The following RASSF5 variants were observed in gnomAD, a reference collection of about 807,000 sequenced individuals.
RASSF5 encodes the protein Ras association domain family member 5.
In RASSF5, 25 loss-of-function variants were observed where a neutral mutation model predicts 40.5. That is an observed-to-expected ratio of 0.62 (90% CI 0.45 to 0.86). The LOEUF is 0.86. RASSF5 is among the 40% of genes least tolerant of loss of function. The probability of loss-of-function intolerance (pLI) is 0.00; values close to 1 mark genes in which losing one functional copy is unlikely to be tolerated. For missense variants in RASSF5, 521 were observed against 572.8 expected (o/e 0.91, Z 0.92); for synonymous variants, 246 against 252.4 (o/e 0.97, Z 0.24).
Position 206,587,205 on chromosome 1 carries a change from C to T in RASSF5, c.*227C>T, listed in dbSNP as rs1669153258. 2 of 520,198 alleles carry T rather than the reference C, an allele frequency of 3.8e-6. No homozygotes were observed. The highest frequency in any genetic ancestry group is 6.9e-6 in the Non-Finnish European group (2 of 288,104). The allele number at this position is 520,198 out of a possible 1,614,324, so 32.2% of individuals were successfully genotyped here. On this transcript the variant is annotated 3_prime_UTR_variant, in exon 6 of 6. Coordinates refer to ENST00000579436, the MANE Select transcript of RASSF5 (RefSeq NM_182663.4). ...CCACAGATTCTGCCAAGGATCAGAA[C>T]TCATGTGAAACAAACAGCTGACGTC... is the stretch of plus-strand genomic sequence containing the variant.
intron 1 of RASSF5, among the ~76,000 whole-genome samples, chr1:206,525,945 G>A (rs1171466293): frequency 6.6e-6 from 1 of 152,126 alleles, no homozygotes; most frequent in Admixed American, 6.5e-5. Flanking sequence ...TCTCTTTCCT[G>A]TGCCTCAGTT....
intron 1 of RASSF5, chr1:206,529,764 T>A: frequency 5.0e-6 from 2 of 403,836 alleles, no homozygotes; most frequent in South Asian, 2.3e-5. Context: ...AATTTTTCCT[T>A]CAAAAAAAAA....
rs1666677834 is a variant in RASSF5, at chr1:206,513,671, A to G, written c.457+5612A>G. The stretch of plus-strand genomic sequence containing the variant: ...GGGAAGGCCGGGCCTGACTGGGGAG[A>G]TGGTTTTGCATTTAGTCATTTTCAG... On this transcript the variant is annotated intron_variant, in intron 1 of 5. Transcript: ENST00000579436. The surrounding 1 kb of genome is among the most constrained non-coding windows in gnomAD (Gnocchi z 5.0). 6.6e-6 allele frequency among the ~76,000 whole-genome samples: 1 copy of G among 151,794 alleles called. No homozygotes were observed. Among genetic ancestry groups the G allele is most frequent in the Non-Finnish European group, 1.5e-5 (1 of 67,944 alleles).
intron 2 of RASSF5, among the ~76,000 whole-genome samples, chr1:206,548,797 G>A (rs1316346121): frequency 6.6e-6 from 1 of 152,176 alleles, no homozygotes; most frequent in Non-Finnish European, 1.5e-5. Flanking sequence ...TAGACTGCTT[G>A]AATTCGTTCC....
At position 206,555,776 on chromosome 1, in the gene RASSF5, G is replaced by C. The variant is rs77289634; in HGVS notation, c.579+17483G>C. 8.0e-3 allele frequency among the ~76,000 whole-genome samples: 1,221 copies of C among 152,348 alleles called. 15 individuals are homozygous for C. The highest frequency in any genetic ancestry group is 0.028 in the African/African-American group (1,161 of 41,584). ...TTTTGTGCCTGCCAGGCACTCGCAG[G>C]CTTCTGGGAAGAAGACTGTGTGGGA... On this transcript the variant is annotated intron_variant, in intron 2 of 5. Transcript: ENST00000579436.
intron 2 of RASSF5, among the ~76,000 whole-genome samples, chr1:206,565,393 T>C (rs1422456909): frequency 1.3e-5 from 2 of 152,254 alleles, no homozygotes; most frequent in African/African-American, 4.8e-5. Flanking sequence ...AGGTTCCCTT[T>C]CCTTCCGGAG....
At chr1:206,509,186 T>C (rs917807761) in intron 1 of RASSF5, among the ~76,000 whole-genome samples, 10 of 152,212 alleles carry the variant, frequency 6.6e-5, no homozygotes, top group Admixed American at 2.0e-4. Context: ...ACGTCTCCCA[T>C]CCAACTGCAG....
At chr1:206,572,030 G>T (rs1485363797) in intron 2 of RASSF5, among the ~76,000 whole-genome samples, 1 of 152,138 alleles carries the variant, frequency 6.6e-6, no homozygotes, top group Non-Finnish European at 1.5e-5. Flanking sequence ...AAGGATTTGG[G>T]TCATCTATTT....
Position 206,588,647 on chromosome 1 carries a change from A to G in RASSF5, c.*1669A>G, listed in dbSNP as rs1553408232. On this transcript the variant is annotated 3_prime_UTR_variant, in exon 6 of 6. Coordinates refer to ENST00000579436, the MANE Select transcript of RASSF5 (RefSeq NM_182663.4). ...CATACTGCCCCTGATCCCAGAAGGA[A>G]TGCTGACCCCTCGTCGTATGAACTG... 1 of 152,412 alleles carries G rather than the reference A, an allele frequency of 6.6e-6. No individual in the cohort carries two copies. Among genetic ancestry groups the G allele is most frequent in the Non-Finnish European group, 1.5e-5 (1 of 68,056 alleles). 9.4% of individuals were successfully genotyped at this position (152,412 alleles called of 1,614,324 possible).
At chr1:206,520,545 T>C (rs11118941) in intron 1 of RASSF5, among the ~76,000 whole-genome samples, 80,952 of 150,242 alleles carry the variant, frequency 0.54, 21,941 homozygotes, top group South Asian at 0.72. Flanking sequence ...AGGCGGAGGT[T>C]GCAGTAAGCC....
intron 2 of RASSF5, among the ~76,000 whole-genome samples, chr1:206,561,822 C>T (rs1384294122): frequency 6.8e-6 from 1 of 146,042 alleles, no homozygotes; most frequent in African/African-American, 2.5e-5. Flanking sequence ...CCCACCACCA[C>T]ACCCAGCTAA....
chr1:206,529,722 T>TTACA, intron 1 of RASSF5: 1 of 640,412 alleles, frequency 1.6e-6, no homozygotes, highest in Non-Finnish European at 2.8e-6. Context: ...CACTGTTGAG[T>TTACA]TTTCTGTACA....
At chr1:206,564,490 A>G (rs559300103) in intron 2 of RASSF5, among the ~76,000 whole-genome samples, 8 of 152,328 alleles carry the variant, frequency 5.3e-5, no homozygotes, top group Non-Finnish European at 7.3e-5. Flanking sequence ...GGGAGAAAAG[A>G]AGAAAGATTT....
chr1:206,523,668 ATATAT>A (rs1460719837), intron 1 of RASSF5, among the ~76,000 whole-genome samples: 17 of 99,212 alleles, frequency 1.7e-4, no homozygotes, highest in African/African-American at 6.6e-4. Context: ...AATATATAAA[ATATAT>A]TATATATAAA....
intron 1 of RASSF5, among the ~76,000 whole-genome samples, chr1:206,509,758 G>C (rs944771): frequency 6.6e-6 from 1 of 151,392 alleles, no homozygotes; most frequent in African/African-American, 2.4e-5. Context: ...ATAATGGTGC[G>C]TTTGTGTGTA....
Position 206,584,634 on chromosome 1 carries a change from A to G in RASSF5, c.938A>G (p.Asp313Gly), listed in dbSNP as rs1669031623. 6.2e-6 allele frequency: 10 copies of G among 1,614,234 alleles called. No homozygotes were observed. Among genetic ancestry groups the G allele is most frequent in the Non-Finnish European group, 8.5e-6 (10 of 1,180,044 alleles). ...QGLLKKFMVVDNPQKFALFKR... is the reference protein window; with the variant it reads ...QGLLKKFMVVGNPQKFALFKR... The stretch of plus-strand genomic sequence containing the variant: ...CTGCTCAAGAAGTTCATGGTTGTGG[A>G]CAATCCCCAGAAGTTTGCACTTTTT... Residue 313 changes from aspartate (D) to glycine (G), a missense_variant, in exon 4 of 6, where the codon GAC becomes GGC. Transcript: ENST00000579436. This position sits in a 1 kb window ranked among gnomAD's most constrained non-coding sequence, Gnocchi z 4.9.
At chr1:206,523,742 TA>T (rs1257015752) in intron 1 of RASSF5, among the ~76,000 whole-genome samples, 1 of 100,136 alleles carries the variant, frequency 1.0e-5, no homozygotes, top group African/African-American at 4.1e-5. Flanking sequence ...ATATATAATA[TA>T]TTTTATATAA....
At chr1:206,518,885 G>A (rs1666831840) in intron 1 of RASSF5, among the ~76,000 whole-genome samples, 1 of 150,926 alleles carries the variant, frequency 6.6e-6, no homozygotes, top group Non-Finnish European at 1.5e-5. Flanking sequence ...ATCTCGGATG[G>A]CCACTGTTTT....
intron 2 of RASSF5, among the ~76,000 whole-genome samples, chr1:206,568,534 T>C (rs1172547913): frequency 6.6e-6 from 1 of 152,078 alleles, no homozygotes; most frequent in African/African-American, 2.4e-5. Flanking sequence ...CTGACTCACC[T>C]CCGGAGACCA....
Sources: gnomAD v4.1 joint callset for allele counts (sites outside exome capture counted in the v4.1 genomes callset) on GRCh38, gnomAD v4.1.1 for gene constraint, Gnocchi (gnomAD v3.1) non-coding constraint, MANE v1.5 for transcripts, NCBI Gene and HGNC (gene_info 2026-07-23, HGNC 2026-07-21) for gene names.